Variants in ZSCAN10 observed in about 807,000 individuals in gnomAD.
The protein encoded by ZSCAN10 is zinc finger and SCAN domain containing 10.
ZSCAN10 carries 52 observed loss-of-function variants against 63.7 expected under a neutral mutation model. That is an observed-to-expected ratio of 0.82 (90% CI 0.65 to 1.03). ZSCAN10 has a LOEUF of 1.03. Ranked by LOEUF, ZSCAN10 falls within the 50% of genes least tolerant of loss-of-function variation. The pLI is 0.00. For synonymous variants in ZSCAN10, 544 were observed against 479.6 expected (o/e 1.13, Z -1.76); for missense variants, 1,223 against 1,103.8 (o/e 1.11, Z -1.53).
intron 1 of ZSCAN10, among the ~76,000 whole-genome samples, chr16:3,097,377 C>T (rs1957166178): frequency 1.3e-5 from 2 of 152,126 alleles, no homozygotes; most frequent in South Asian, 4.1e-4. Context: ...CCTGCATCTC[C>T]CAACCTCAGC....
intron 1 of ZSCAN10, among the ~76,000 whole-genome samples, chr16:3,097,504 G>A (rs1265479062): frequency 6.6e-6 from 1 of 152,188 alleles, no homozygotes; most frequent in Non-Finnish European, 1.5e-5. Flanking sequence ...TTGGGAGGTG[G>A]ATGGGGACAG....
chr16:3,093,503 G>A (rs1440925984), intron 1 of ZSCAN10: 4 of 146,082 alleles, frequency 2.7e-5, no homozygotes, highest in Non-Finnish European at 6.0e-5. Flanking sequence ...GTGACAGAGC[G>A]AGACTCAGAT....
chr16:3,092,831 G>C lies in ZSCAN10; in HGVS notation c.107C>G (p.Ser36Cys). Residue 36 changes from serine (S) to cysteine (C), a missense_variant, in exon 2 of 6, where the codon TCC becomes TGC. Coordinates refer to ENST00000576985, the MANE Select transcript of ZSCAN10 (RefSeq NM_032805.3). ...GTGAGCCACCTCGGGCCTCAGCCTG[G>C]ACTCTGGTCGCCTGGGGTCCTCTGG... is the stretch of plus-strand genomic sequence containing the variant. ...VSPEDPRRPESRLRPEVAHQL... is the reference protein window; with the variant it reads ...VSPEDPRRPECRLRPEVAHQL... 2 of 1,494,182 alleles carry C rather than the reference G, an allele frequency of 1.3e-6. No homozygotes were observed. The highest frequency in any genetic ancestry group is 2.6e-5 in the South Asian group (2 of 76,320). The allele number at this position is 1,494,182 out of a possible 1,614,324, so 92.6% of individuals were successfully genotyped here.
At chr16:3,091,655 G>T in intron 4 of ZSCAN10, 58 bp from the exon 5 acceptor site, 2 of 1,610,824 alleles carry the variant, frequency 1.2e-6, no homozygotes, top group South Asian at 2.2e-5. Context: ...AACCTGTGGG[G>T]ACTGAAATGC....
rs748149722 is a variant in ZSCAN10, at chr16:3,092,554, G to C, written c.384C>G (p.His128Gln). 6.5e-7 allele frequency: 1 copy of C among 1,539,742 alleles called. No homozygotes were observed. Among genetic ancestry groups the C allele is most frequent in the East Asian group, 2.4e-5 (1 of 42,400 alleles). The change falls in exon 2 of 6, where the codon CAC (histidine) becomes CAG (glutamine). Residue 128 changes from histidine (H) to glutamine (Q), a missense_variant. His to Gln is a conservative substitution (Grantham distance 24). Transcript: ENST00000576985. Reference sequence around the variant, plus strand: ...CCCACCCTCTCACCAGCGGCCCCGCGTGGCTGGGCTCCCGGTGGATGCCCT... The same window carrying C: ...CCCACCCTCTCACCAGCGGCCCCGCCTGGCTGGGCTCCCGGTGGATGCCCT... ...LLEGIHREPSHAGPLDFSCNA... is the reference protein window; with the variant it reads ...LLEGIHREPSQAGPLDFSCNA...
intron 1 of ZSCAN10, among the ~76,000 whole-genome samples, chr16:3,097,378 C>T (rs913975340): frequency 6.6e-5 from 10 of 152,174 alleles, no homozygotes; most frequent in Non-Finnish European, 4.4e-5. Flanking sequence ...CTGCATCTCC[C>T]AACCTCAGCC....
At chr16:3,095,979 C>T (rs922692487) in intron 1 of ZSCAN10, among the ~76,000 whole-genome samples, 2 of 152,124 alleles carry the variant, frequency 1.3e-5, no homozygotes, top group African/African-American at 4.8e-5. Context: ...CCAGCCTAGG[C>T]GACAGTGCCA....
Position 3,092,944 on chromosome 16 carries a change from C to G in ZSCAN10, c.-7G>C, listed in dbSNP as rs1032763597. On this transcript the variant is annotated 5_prime_UTR_variant, in exon 2 of 6. Transcript: ENST00000576985. ...GGACTGATTCTCCAAGCATCCTTCA[C>G]TGCGGGGATGCCTCCCTAACGCCAG... 13 of 1,417,864 alleles carry G rather than the reference C, an allele frequency of 9.2e-6. No individual in the cohort carries two copies. Among genetic ancestry groups the G allele is most frequent in the Non-Finnish European group, 1.2e-5 (13 of 1,088,188 alleles). 87.8% of individuals were successfully genotyped at this position (1,417,864 alleles called of 1,614,324 possible). A position where few individuals can be genotyped will look rare whatever the true frequency, so the allele number is the denominator to read the frequency against.
chr16:3,090,810 G>A (rs903482469), intron 5 of ZSCAN10, among the ~76,000 whole-genome samples, 164 bp from the exon 6 acceptor site: 1 of 151,192 alleles, frequency 6.6e-6, no homozygotes, highest in Non-Finnish European at 1.5e-5. Context: ...AGCACTTTGG[G>A]AGCCCGAGGC....
chr16:3,089,799 C>G lies in ZSCAN10; in HGVS notation c.1635G>C (p.Thr545=), dbSNP rs774309979. The G allele has an allele frequency of 7.6e-6, 12 of 1,586,320 alleles. No homozygotes were observed. Among genetic ancestry groups the G allele is most frequent in the Non-Finnish European group, 9.4e-6 (11 of 1,173,440 alleles). ...EHLVAHRRVH[T]GERPFSCQAC... ...CCTGGCAGGAGAAGGGCCGCTCGCC[C>G]GTGTGCACCCTCCGGTGGGCCACCA... is the stretch of plus-strand genomic sequence containing the variant. Residue 545 remains threonine (T), a synonymous_variant, in exon 6 of 6, where the codon ACG becomes ACC. Transcript: ENST00000576985.
At chr16:3,092,480 C>G in intron 2 of ZSCAN10, 62 bp downstream of exon 2, 1 of 1,458,368 alleles carries the variant, frequency 6.9e-7, no homozygotes, top group South Asian at 1.4e-5. Context: ...AGAGATTCCT[C>G]ACTGGGGGGA....
chr16:3,097,937 G>T (rs980801986), intron 1 of ZSCAN10, among the ~76,000 whole-genome samples: 12 of 151,674 alleles, frequency 7.9e-5, no homozygotes, highest in African/African-American at 2.4e-4. Context: ...CAGCATTTTG[G>T]GTGGCCAAGG....
At chr16:3,097,442 A>C (rs2151219239) in intron 1 of ZSCAN10, among the ~76,000 whole-genome samples, 1 of 152,268 alleles carries the variant, frequency 6.6e-6, no homozygotes, top group East Asian at 1.9e-4. Flanking sequence ...CCCCAGTCCC[A>C]TCCCATCCAG....
chr16:3,091,407 G>A (rs773408278), intron 5 of ZSCAN10, 133 bp downstream of exon 5: 6 of 951,284 alleles, frequency 6.3e-6, no homozygotes, highest in South Asian at 2.9e-5. Context: ...ACTTTGGGAG[G>A]CTGAGGTGGG....
intron 2 of ZSCAN10, 29 bp from the exon 3 acceptor site, chr16:3,092,345 CTCCCGGG>C: frequency 6.4e-7 from 1 of 1,566,690 alleles, no homozygotes; most frequent in Non-Finnish European, 8.7e-7. Flanking sequence ...AGTTAAGTGA[CTCCCGGG>C]GTGGCAACCT....
At position 3,089,081 on chromosome 16, in the gene ZSCAN10, G is replaced by C; in HGVS notation, c.*10C>G. 6.8e-7 allele frequency: 1 copy of C among 1,475,394 alleles called. No individual in the cohort carries two copies. Among genetic ancestry groups the C allele is most frequent in the Non-Finnish European group, 8.9e-7 (1 of 1,124,834 alleles). 91.4% of individuals were successfully genotyped at this position (1,475,394 alleles called of 1,614,324 possible). A position where few individuals can be genotyped will look rare whatever the true frequency, so the allele number is the denominator to read the frequency against. ...TGGCGCAGGGCGCGGCTGGCGGAAG[G>C]CGGGCCAAGCTAGTACAGCGTCTCG... is the stretch of plus-strand genomic sequence containing the variant. On this transcript the variant is annotated 3_prime_UTR_variant, in exon 6 of 6. Coordinates refer to ENST00000576985, the MANE Select transcript of ZSCAN10 (RefSeq NM_032805.3).
intron 5 of ZSCAN10, among the ~76,000 whole-genome samples, chr16:3,091,173 G>A (rs1013746824): frequency 8.5e-5 from 13 of 152,180 alleles, no homozygotes; most frequent in Non-Finnish European, 4.4e-5. Flanking sequence ...TTAGCTGGGC[G>A]TGGTGGCACA....
chr16:3,090,522 G>T lies in ZSCAN10; in HGVS notation c.912C>A (p.Cys304Ter), dbSNP rs773169184. 1.2e-6 allele frequency: 2 copies of T among 1,612,906 alleles called. No individual in the cohort carries two copies. The highest frequency in any genetic ancestry group is 1.7e-6 in the Non-Finnish European group (2 of 1,179,488). The change falls in exon 6 of 6, where the codon TGC (cysteine) becomes TGA (stop). Residue 304 changes from cysteine (C) to a stop codon, truncating the protein, a stop_gained. Coordinates refer to ENST00000576985, the MANE Select transcript of ZSCAN10 (RefSeq NM_032805.3). LOFTEE classifies it high-confidence loss of function. ...CAGCGCCCCGTCCGAGCGACTGGGC[G>T]CAAGGCTCTCCCGGCACCCCAGGAC... ...ADSPGVPGEPCAQSLGRGAAA... is the reference protein window; with the variant it reads ...ADSPGVPGEP
Position 3,090,093 on chromosome 16 carries a change from A to G in ZSCAN10, c.1341T>C (p.Leu447=), listed in dbSNP as rs760228995. ...GGGCGTGCGCCAGCAGGTGCTGCAC[A>G]AGGCTGGCGCGGCGCTGGAAGCCGC... ...CGRGFQRRAS[L]VQHLLAHAQD... is the part of the protein sequence containing the mutation. The change falls in exon 6 of 6, where the codon CTT becomes CTC. Residue 447 remains leucine (L), a synonymous_variant. Coordinates refer to ENST00000576985, the MANE Select transcript of ZSCAN10 (RefSeq NM_032805.3). The G allele has an allele frequency of 6.2e-7, 1 of 1,602,168 alleles. No homozygotes were observed.
Sources: allele counts gnomAD v4.1 joint callset (sites outside exome capture counted in the v4.1 genomes callset), GRCh38; gene constraint gnomAD v4.1.1; transcripts MANE v1.5; gene names NCBI Gene and HGNC (gene_info 2026-07-23, HGNC 2026-07-21).